The following AP2A2 variants were observed in gnomAD, a reference collection of about 807,000 sequenced individuals.
AP2A2 encodes AP-2 complex subunit alpha-2.
AP2A2 carries 32 observed loss-of-function variants against 104.2 expected under a neutral mutation model. The ratio of observed to expected loss-of-function variants is 0.31; its 90% CI spans 0.23 to 0.41. The LOEUF (loss-of-function observed/expected upper bound fraction) is 0.41, where lower values mean the gene tolerates loss of function less well. Among genes scored for constraint, AP2A2 ranks in the 10% least tolerant of loss-of-function variants. The pLI, the probability that AP2A2 is intolerant of heterozygous loss-of-function variation, is 1.00. For synonymous variants in AP2A2, 539 were observed against 533.3 expected, an observed-to-expected ratio of 1.01 and a Z score of -0.15; for missense variants, 912 against 1,261.0, an observed-to-expected ratio of 0.72 and a Z score of 4.19.
intron 6 of AP2A2, among the ~76,000 whole-genome samples, chr11:983,247 C>G (rs915443784): frequency 3.3e-5 from 5 of 151,140 alleles, no homozygotes; most frequent in Non-Finnish European, 5.9e-5. Context: ...TGCGAACTCC[C>G]GACCTCAAGT....
chr11:949,948 G>A (rs1051647597), intron 1 of AP2A2, among the ~76,000 whole-genome samples: 1 of 152,124 alleles, frequency 6.6e-6, no homozygotes, highest in African/African-American at 2.4e-5. Context: ...AACAGGATTG[G>A]AGGATTCACA....
intron 1 of AP2A2, among the ~76,000 whole-genome samples, chr11:955,678 C>T (rs1185564545): frequency 6.6e-6 from 1 of 152,228 alleles, no homozygotes; most frequent in East Asian, 1.9e-4. Context: ...ACCACCTGTC[C>T]ATCTGAAGTT....
intron 7 of AP2A2, 149 bp from the exon 8 acceptor site, chr11:985,286 C>T (rs1855413125): frequency 7.3e-6 from 8 of 1,098,818 alleles, no homozygotes; most frequent in South Asian, 1.6e-5. Context: ...CCCGGCCTGT[C>T]TCAGTTTTGT....
At position 1,011,302 on chromosome 11, in the gene AP2A2, G is replaced by GC. The variant is rs780658641; in HGVS notation, c.*679dup. ...CAGTCGCCGAGGCCTTGGATGTGCA[G>GC]CCAGGGGAGGAGCGTCCTGCCGGCC... On this transcript the variant is annotated 3_prime_UTR_variant, in exon 22 of 22. Coordinates refer to ENST00000448903, the MANE Select transcript of AP2A2 (RefSeq NM_012305.4). 1.9e-6 allele frequency: 1 copy of GC among 518,852 alleles called. No individual in the cohort carries two copies. The highest frequency in any genetic ancestry group is 1.4e-5 in the South Asian group (1 of 71,594). The allele number at this position is 518,852 out of a possible 1,614,324, so 32.1% of individuals were successfully genotyped here.
At chr11:940,631 G>A (rs7396063) in intron 1 of AP2A2, 7,924 of 353,412 alleles carry the variant, frequency 0.022, 124 homozygotes, top group Middle Eastern at 0.064. Flanking sequence ...CTGTGTAAAG[G>A]TGTTTCCTTT....
In AP2A2 at chr11:1,011,679, C is replaced by T; in HGVS notation, c.*1054C>T. 2.8e-6 allele frequency: 1 copy of T among 352,638 alleles called. No homozygotes were observed. Among genetic ancestry groups the T allele is most frequent in the Non-Finnish European group, 5.7e-6 (1 of 176,260 alleles). The allele number at this position is 352,638 out of a possible 1,614,324, so 21.8% of individuals were successfully genotyped here. Reference sequence around the variant, plus strand: ...TGCGCTCTGTCCCCAGGATGGTGGCCTTGTTTGTCCTAAACACACCCAGCA... The same window carrying T: ...TGCGCTCTGTCCCCAGGATGGTGGCTTTGTTTGTCCTAAACACACCCAGCA... On this transcript the variant is annotated 3_prime_UTR_variant, in exon 22 of 22. Transcript: ENST00000448903.
In AP2A2 at chr11:977,179, C is replaced by T. The variant is rs748170846; in HGVS notation, c.558C>T (p.Gly186=). The T allele has an allele frequency of 7.4e-6, 12 of 1,612,112 alleles. No individual in the cohort carries two copies. The highest frequency in any genetic ancestry group is 2.2e-5 in the East Asian group (1 of 44,814). Residue 186 remains glycine, a synonymous_variant, in exon 5 of 22, where the codon GGC becomes GGT. Transcript: ENST00000448903. ...CGTCCCCCGATCTTGTCCCCATGGG[C>T]GACTGGACATCCCGAGTGGTGCACC... ...YRTSPDLVPM[G]DWTSRVVHLL...
intron 14 of AP2A2, among the ~76,000 whole-genome samples, chr11:994,560 G>T (rs1353788566): frequency 6.8e-6 from 1 of 146,726 alleles, no homozygotes; most frequent in East Asian, 2.0e-4. Flanking sequence ...TGTCCCGGGG[G>T]CCACTGTCCC....
intron 20 of AP2A2, 60 bp downstream of exon 20, chr11:1,009,457 C>A: frequency 1.3e-6 from 2 of 1,533,290 alleles, no homozygotes; most frequent in Non-Finnish European, 1.8e-6. Context: ...GCGCCAGGGT[C>A]TGGAGGGACG....
chr11:1,000,893 A>T (rs796720017), intron 15 of AP2A2, among the ~76,000 whole-genome samples: 3 of 152,164 alleles, frequency 2.0e-5, no homozygotes, highest in African/African-American at 4.8e-5. Context: ...ATGTCCGATC[A>T]TGTTTCAGCT....
intron 3 of AP2A2, among the ~76,000 whole-genome samples, chr11:971,709 T>C (rs1381437419): frequency 1.3e-5 from 2 of 152,080 alleles, no homozygotes; most frequent in East Asian, 3.9e-4. Context: ...TTCCTGCCCA[T>C]CTTAACTTGA....
At chr11:935,177 C>T (rs1463258275) in intron 1 of AP2A2, among the ~76,000 whole-genome samples, 2 of 150,600 alleles carry the variant, frequency 1.3e-5, no homozygotes, top group African/African-American at 4.9e-5. Context: ...CCTCAGCCTC[C>T]CGAGCAGCTT....
intron 1 of AP2A2, among the ~76,000 whole-genome samples, chr11:940,048 G>C (rs1398233814): frequency 6.9e-6 from 1 of 144,958 alleles, no homozygotes; most frequent in African/African-American, 2.6e-5. Context: ...CTCTTCTGCC[G>C]GGTTCAAGCG....
Position 992,138 on chromosome 11 carries a change from G to A in AP2A2, c.1270-365G>A, listed in dbSNP as rs183058059. Among the ~76,000 whole-genome samples the A allele has an allele frequency of 2.0e-5, 3 of 152,238 alleles. No homozygotes were observed. The highest frequency in any genetic ancestry group is 4.4e-5 in the Non-Finnish European group (3 of 68,020). ...CTGGCCGCCGGGAGCCCAGGGTGGCGCAGTCAGAGGTCAGAGGAGTGCTGC... is the reference window on the plus strand; with the variant it reads ...CTGGCCGCCGGGAGCCCAGGGTGGCACAGTCAGAGGTCAGAGGAGTGCTGC... On this transcript the variant is annotated intron_variant, in intron 10 of 21. Coordinates refer to ENST00000448903, the MANE Select transcript of AP2A2 (RefSeq NM_012305.4). The surrounding 1 kb of genome is among the most constrained non-coding windows in gnomAD (Gnocchi z 6.4).
intron 9 of AP2A2, among the ~76,000 whole-genome samples, chr11:987,726 C>T (rs912712102): frequency 2.0e-5 from 3 of 152,180 alleles, no homozygotes; most frequent in Non-Finnish European, 4.4e-5. Context: ...TGCGAGTCTC[C>T]AGAGCGACCC....
At chr11:973,009 C>T (rs931107538) in intron 4 of AP2A2, among the ~76,000 whole-genome samples, 1 of 152,242 alleles carries the variant, frequency 6.6e-6, no homozygotes, top group Non-Finnish European at 1.5e-5. Flanking sequence ...CTTAAAGCAA[C>T]CCTGGGGTGT....
In AP2A2 at chr11:964,700, A is replaced by C. The variant is rs570839855; in HGVS notation, c.136+5195A>C. ...AACAACAACAACAACAACAACAAAA[A>C]TGAAGCTAAAAAATACCTGCCGAAG... is the stretch of plus-strand genomic sequence containing the variant. On this transcript the variant is annotated intron_variant, in intron 2 of 21. Coordinates refer to ENST00000448903, the MANE Select transcript of AP2A2 (RefSeq NM_012305.4). Among the ~76,000 whole-genome samples the C allele has an allele frequency of 2.6e-5, 4 of 152,314 alleles. No homozygotes were observed. The East Asian group carries it at 7.7e-4, about 29-fold the overall frequency.
At chr11:973,661 G>A (rs891543881) in intron 4 of AP2A2, among the ~76,000 whole-genome samples, 2 of 142,958 alleles carry the variant, frequency 1.4e-5, no homozygotes, top group African/African-American at 2.5e-5. Context: ...AGGAAGGCTC[G>A]AATGATCACA....
intron 6 of AP2A2, among the ~76,000 whole-genome samples, chr11:981,525 G>C (rs776534891): frequency 1.4e-4 from 22 of 152,218 alleles, no homozygotes; most frequent in East Asian, 1.9e-4. Flanking sequence ...TGTGGGTGGA[G>C]GAGGGGCACC....
Sources: gnomAD v4.1 joint callset for allele counts (sites outside exome capture counted in the v4.1 genomes callset) on GRCh38, gnomAD v4.1.1 for gene constraint, Gnocchi (gnomAD v3.1) non-coding constraint, MANE v1.5 for transcripts, NCBI Gene and HGNC (gene_info 2026-07-23, HGNC 2026-07-21) for gene names.